Variants in GPC5 observed in about 807,000 individuals in gnomAD.
GPC5 encodes glypican-5.
In GPC5, 47 loss-of-function variants were observed where a neutral mutation model predicts 53.9. The ratio of observed to expected loss-of-function variants is 0.87; its 90% CI spans 0.69 to 1.11. The LOEUF (loss-of-function observed/expected upper bound fraction) is 1.11. Among genes scored for constraint, GPC5 ranks in the 50% most tolerant of loss-of-function variants. GPC5 has a pLI of 0.00. For synonymous variants in GPC5, 286 were observed against 263.3 expected, an observed-to-expected ratio of 1.09 and a Z score of -0.84; for missense variants, 748 against 713.1, an observed-to-expected ratio of 1.05 and a Z score of -0.56.
chr13:92,335,637 C>T (rs1362201393), intron 7 of GPC5, among the ~76,000 whole-genome samples: 1 of 152,092 alleles, frequency 6.6e-6, no homozygotes, highest in Non-Finnish European at 1.5e-5. Context: ...CTCTGGAATG[C>T]TTTGTTGCTT....
At chr13:92,610,968 ATTTT>A (rs35225757) in intron 7 of GPC5, among the ~76,000 whole-genome samples, 1 of 140,118 alleles carries the variant, frequency 7.1e-6, no homozygotes. Context: ...CTCAATACAT[ATTTT>A]TTTTTTTTTT....
At chr13:92,442,741 C>T (rs965219143) in intron 7 of GPC5, among the ~76,000 whole-genome samples, 2 of 152,106 alleles carry the variant, frequency 1.3e-5, no homozygotes, top group African/African-American at 4.8e-5. Flanking sequence ...CAAAAAAACT[C>T]AAAAGCCCAA....
intron 6 of GPC5, among the ~76,000 whole-genome samples, chr13:92,103,502 A>C (rs2041482893): frequency 6.6e-6 from 1 of 152,144 alleles, no homozygotes; most frequent in Non-Finnish European, 1.5e-5. Flanking sequence ...CTGAAAGATC[A>C]ATGTAGCACT....
At chr13:92,160,413 T>C (rs1383581620) in intron 7 of GPC5, among the ~76,000 whole-genome samples, 1 of 152,222 alleles carries the variant, frequency 6.6e-6, no homozygotes, top group Admixed American at 6.5e-5. Context: ...GTAAAACTGT[T>C]ACAATTTTCT....
chr13:91,936,692 G>A (rs2039874461), intron 6 of GPC5, among the ~76,000 whole-genome samples: 1 of 151,976 alleles, frequency 6.6e-6, no homozygotes, highest in Admixed American at 6.6e-5. Context: ...CTTTGCTCCA[G>A]GATCTCAAAT....
intron 7 of GPC5, among the ~76,000 whole-genome samples, chr13:92,816,585 G>C (rs1215776340): frequency 1.3e-5 from 2 of 151,932 alleles, no homozygotes; most frequent in African/African-American, 4.9e-5. Flanking sequence ...TTCTCACCTT[G>C]CTTTCACTTA....
intron 7 of GPC5, among the ~76,000 whole-genome samples, chr13:92,151,689 GA>G (rs1168898384): frequency 6.6e-6 from 1 of 152,108 alleles, no homozygotes; most frequent in Non-Finnish European, 1.5e-5. Flanking sequence ...CTTCTATTTT[GA>G]AATAGTACCT....
chr13:91,998,002 C>G (rs1334291007), intron 6 of GPC5, among the ~76,000 whole-genome samples: 1 of 152,160 alleles, frequency 6.6e-6, no homozygotes, highest in South Asian at 2.1e-4. Flanking sequence ...TTTACACTCA[C>G]ATTTATTTTT....
At chr13:92,601,648 AGT>A (rs1471659811) in intron 7 of GPC5, among the ~76,000 whole-genome samples, 2 of 151,704 alleles carry the variant, frequency 1.3e-5, no homozygotes, top group South Asian at 2.1e-4. Flanking sequence ...ATAAGATTTC[AGT>A]GTGTGTGTGT....
intron 2 of GPC5, among the ~76,000 whole-genome samples, chr13:91,525,869 C>T (rs1240778632): frequency 6.6e-6 from 1 of 152,186 alleles, no homozygotes; most frequent in African/African-American, 2.4e-5. Context: ...GTATAGTTTA[C>T]AATTTTATTA....
intron 7 of GPC5, among the ~76,000 whole-genome samples, chr13:92,803,304 T>TG (rs1876976304): frequency 6.6e-6 from 1 of 151,946 alleles, no homozygotes; most frequent in African/African-American, 2.4e-5. Flanking sequence ...AGCATACCAC[T>TG]GACTATTACA....
At chr13:92,268,651 GC>G (rs1308484826) in intron 7 of GPC5, among the ~76,000 whole-genome samples, 2 of 151,500 alleles carry the variant, frequency 1.3e-5, no homozygotes, top group African/African-American at 4.8e-5. Context: ...AACTTTTGTA[GC>G]CATTTTTCTT....
chr13:91,797,933 AG>A (rs1041615824), intron 5 of GPC5, among the ~76,000 whole-genome samples: 11 of 152,202 alleles, frequency 7.2e-5, no homozygotes, highest in Non-Finnish European at 1.6e-4. Flanking sequence ...TTAGGCCTCA[AG>A]GAAAGGGATA....
At chr13:91,472,805 C>T (rs1882707361) in intron 2 of GPC5, among the ~76,000 whole-genome samples, 1 of 152,144 alleles carries the variant, frequency 6.6e-6, no homozygotes, top group Non-Finnish European at 1.5e-5. Flanking sequence ...AAATGAAGAG[C>T]TGGGAGAGTA....
chr13:92,397,370 C>G (rs1168892196), intron 7 of GPC5, among the ~76,000 whole-genome samples: 3 of 152,220 alleles, frequency 2.0e-5, no homozygotes, highest in Non-Finnish European at 4.4e-5. Context: ...CTCTCTAATT[C>G]TCTCTTGCCC....
At chr13:91,537,024 A>C (rs1170780445) in intron 2 of GPC5, among the ~76,000 whole-genome samples, 2 of 152,228 alleles carry the variant, frequency 1.3e-5, no homozygotes, top group African/African-American at 4.8e-5. Context: ...ACAATGTACC[A>C]AAACTTATTG....
At chr13:91,870,370 A>T (rs936024890) in intron 5 of GPC5, among the ~76,000 whole-genome samples, 3 of 152,188 alleles carry the variant, frequency 2.0e-5, no homozygotes, top group African/African-American at 7.2e-5. Flanking sequence ...TGCAAGAGTG[A>T]AGCATGGTAA....
intron 7 of GPC5, among the ~76,000 whole-genome samples, chr13:92,839,082 A>T (rs1878329187): frequency 6.6e-6 from 1 of 152,244 alleles, no homozygotes; most frequent in Non-Finnish European, 1.5e-5. Flanking sequence ...AAATGAGTCA[A>T]GTATTTCAAA....
chr13:91,561,700 G>T (rs1341553506), intron 2 of GPC5, among the ~76,000 whole-genome samples: 1 of 151,864 alleles, frequency 6.6e-6, no homozygotes, highest in Non-Finnish European at 1.5e-5. Context: ...AAGTTAGGTG[G>T]ATCTTTTACA....
Sources: gnomAD v4.1 joint callset for allele counts (sites outside exome capture counted in the v4.1 genomes callset) on GRCh38, gnomAD v4.1.1 for gene constraint, MANE v1.5 for transcripts, NCBI Gene and HGNC (gene_info 2026-07-23, HGNC 2026-07-21) for gene names.